HDAC9: variants seen among roughly 807,000 people sequenced by gnomAD.
HDAC9 encodes histone deacetylase 9.
HDAC9 carries 41 observed loss-of-function variants against 139.4 expected under a neutral mutation model. The ratio of observed to expected loss-of-function variants is 0.29; its 90% CI spans 0.23 to 0.38. HDAC9 has a LOEUF of 0.38. Ranked by LOEUF, HDAC9 falls within the 10% of genes least tolerant of loss-of-function variation. HDAC9 has a pLI of 1.00. For missense variants in HDAC9, 1,147 were observed against 1,297.0 expected, an observed-to-expected ratio of 0.88 and a Z score of 1.78; for synonymous variants, 517 against 476.2, an observed-to-expected ratio of 1.09 and a Z score of -1.12.
chr7:18,878,820 G>T (rs1041101142), intron 22 of HDAC9, among the ~76,000 whole-genome samples: 11 of 151,430 alleles, frequency 7.3e-5, no homozygotes, highest in African/African-American at 1.2e-4. Context: ...GAGCAATCAG[G>T]CAAGAGAAGG....
At chr7:18,896,337 T>C (rs1021567217) in intron 22 of HDAC9, among the ~76,000 whole-genome samples, 3 of 152,074 alleles carry the variant, frequency 2.0e-5, no homozygotes, top group African/African-American at 7.2e-5. Context: ...ATGTATATTT[T>C]TTCCAACTTT....
intron 13 of HDAC9, among the ~76,000 whole-genome samples, chr7:18,746,748 G>C (rs1322480093): frequency 1.3e-5 from 2 of 152,126 alleles, no homozygotes; most frequent in Admixed American, 1.3e-4. Context: ...ATTTAAGCTT[G>C]TTTATGGCCA....
intron 2 of HDAC9, among the ~76,000 whole-genome samples, chr7:18,225,038 C>T (rs948083884): frequency 6.6e-6 from 1 of 152,128 alleles, no homozygotes; most frequent in Non-Finnish European, 1.5e-5. Context: ...AAAACCCTCA[C>T]TGATCCTTTC....
intron 22 of HDAC9, among the ~76,000 whole-genome samples, chr7:18,931,368 T>C (rs1585339310): frequency 3.3e-5 from 5 of 152,334 alleles, no homozygotes; most frequent in Admixed American, 3.3e-4. Flanking sequence ...CTTATCGGCA[T>C]CATAATGAGG....
chr7:18,582,521 T>TA (rs1013190266), intron 2 of HDAC9, among the ~76,000 whole-genome samples: 35 of 146,790 alleles, frequency 2.4e-4, no homozygotes, highest in East Asian at 1.5e-3. Flanking sequence ...TATATATATA[T>TA]TTTTTAAATG....
intron 17 of HDAC9, among the ~76,000 whole-genome samples, chr7:18,820,593 T>A (rs1794891093): frequency 6.6e-6 from 1 of 151,654 alleles, no homozygotes; most frequent in Admixed American, 6.6e-5. Context: ...AGAAGGAAAA[T>A]TTTCTAGCAA....
chr7:18,835,695 A>G, intron 20 of HDAC9, 109 bp downstream of exon 20: 1 of 1,426,992 alleles, frequency 7.0e-7, no homozygotes, highest in Non-Finnish European at 9.9e-7. Flanking sequence ...AAATTACACG[A>G]GATTACTGAA....
chr7:18,215,734 C>T (rs1268308053), intron 2 of HDAC9, among the ~76,000 whole-genome samples: 1 of 152,020 alleles, frequency 6.6e-6, no homozygotes, highest in Non-Finnish European at 1.5e-5. Context: ...GAAAGGAAAA[C>T]GTATTTACTT....
In HDAC9 at chr7:18,647,975, G is replaced by A. The variant is rs1382485877; in HGVS notation, c.1226G>A (p.Arg409Gln). The A allele has an allele frequency of 1.2e-5, 20 of 1,610,054 alleles. No individual in the cohort carries two copies. The highest frequency in any genetic ancestry group is 1.7e-5 in the Non-Finnish European group (20 of 1,178,176). The change falls in exon 10 of 26, where the codon CGA becomes CAA. Residue 409 changes from arginine (R) to glutamine (Q), a missense_variant. Physicochemically the swap from Arg to Gln is conservative, Grantham distance 43 (BLOSUM62 1). Coordinates refer to ENST00000686413, the MANE Select transcript of HDAC9 (RefSeq NM_178425.4). ...LQHLLLKEQM[R>Q]QQKLLVAGGV... is the part of the protein sequence containing the mutation. ...CATTTATTATTGAAAGAACAAATGC[G>A]ACAGCAAAAGCTTCTTGTAGCTGGT...
intron 12 of HDAC9, among the ~76,000 whole-genome samples, chr7:18,670,164 GT>G (rs1327962528): frequency 6.6e-6 from 1 of 151,862 alleles, no homozygotes; most frequent in African/African-American, 2.4e-5. Flanking sequence ...ATGATAAATA[GT>G]TTGAGGTCTC....
intron 14 of HDAC9, among the ~76,000 whole-genome samples, chr7:18,756,258 A>T (rs545948538): frequency 2.6e-4 from 39 of 152,318 alleles, no homozygotes; most frequent in African/African-American, 8.4e-4. Flanking sequence ...ATATTTGGAG[A>T]TGGGAAAGTA....
At chr7:18,202,452 T>G (rs1316055479) in intron 2 of HDAC9, among the ~76,000 whole-genome samples, 3 of 152,202 alleles carry the variant, frequency 2.0e-5, no homozygotes, top group African/African-American at 7.2e-5. Flanking sequence ...AATTCAGAGG[T>G]AAATGAAAAG....
intron 1 of HDAC9, among the ~76,000 whole-genome samples, chr7:18,346,100 AT>A (rs1165829426): frequency 6.6e-6 from 1 of 152,132 alleles, no homozygotes; most frequent in Non-Finnish European, 1.5e-5. Context: ...GCTAAATGTA[AT>A]TGGTTTAATT....
intron 1 of HDAC9, among the ~76,000 whole-genome samples, chr7:18,433,431 T>C (rs1385627716): frequency 6.6e-6 from 1 of 152,108 alleles, no homozygotes; most frequent in Non-Finnish European, 1.5e-5. Context: ...GGCATCCAAA[T>C]AGGAAGAGAG....
At chr7:18,680,632 AT>A (rs1224109016) in intron 12 of HDAC9, among the ~76,000 whole-genome samples, 1 of 151,994 alleles carries the variant, frequency 6.6e-6, no homozygotes, top group African/African-American at 2.4e-5. Flanking sequence ...ATATTTTTTA[AT>A]GGTTACACTT....
intron 1 of HDAC9, among the ~76,000 whole-genome samples, chr7:18,320,039 C>A (rs1343071330): frequency 6.6e-6 from 1 of 152,122 alleles, no homozygotes; most frequent in African/African-American, 2.4e-5. Flanking sequence ...TTTTCACTCT[C>A]TAGTCCAACT....
At chr7:18,159,403 A>G (rs1192621914) in intron 1 of HDAC9, among the ~76,000 whole-genome samples, 1 of 152,214 alleles carries the variant, frequency 6.6e-6, no homozygotes, top group Non-Finnish European at 1.5e-5. Flanking sequence ...AAGTGTGGGA[A>G]GATTTGAGAA....
At chr7:18,732,870 C>CACACACGTGTGTGCGTATGTGTAT (rs1562893164) in intron 13 of HDAC9, among the ~76,000 whole-genome samples, 2 of 63,126 alleles carry the variant, frequency 3.2e-5, no homozygotes, top group East Asian at 9.0e-4. Context: ...CGTATGTGTA[C>CACACACGTGTGTGCGTATGTGTAT]ACACACACGT....
chr7:18,195,486 G>C (rs1234692885), intron 2 of HDAC9, among the ~76,000 whole-genome samples: 1 of 151,814 alleles, frequency 6.6e-6, no homozygotes, highest in Non-Finnish European at 1.5e-5. Flanking sequence ...GTGTAGGTCA[G>C]TTTATGCTGC....
Sources: gnomAD v4.1 joint callset for allele counts (sites outside exome capture counted in the v4.1 genomes callset) on GRCh38, gnomAD v4.1.1 for gene constraint, MANE v1.5 for transcripts, NCBI Gene and HGNC (gene_info 2026-07-23, HGNC 2026-07-21) for gene names.